Variants in FRMD4B observed in about 807,000 individuals in gnomAD.
FRMD4B encodes FERM domain containing 4B.
FRMD4B carries 74 observed loss-of-function variants against 141.5 expected under a neutral mutation model. The ratio of observed to expected loss-of-function variants is 0.52; its 90% confidence interval spans 0.43 to 0.63. The LOEUF (loss-of-function observed/expected upper bound fraction) is 0.63. FRMD4B is among the 30% of genes least tolerant of loss of function. The probability of loss-of-function intolerance (pLI) is 0.00; values close to 1 mark genes in which losing one functional copy is unlikely to be tolerated. For synonymous variants in FRMD4B, 506 were observed against 467.9 expected, an observed-to-expected ratio of 1.08 and a Z score of -1.05; for missense variants, 1,366 against 1,253.4, an observed-to-expected ratio of 1.09 and a Z score of -1.36.
intron 1 of FRMD4B, among the ~76,000 whole-genome samples, chr3:69,434,077 C>T (rs2106842752): frequency 6.6e-6 from 1 of 152,302 alleles, no homozygotes; most frequent in East Asian, 1.9e-4. Flanking sequence ...TGCCCGGCGA[C>T]AAAAGCTCCT....
At chr3:69,260,317 G>T (rs1363285549) in intron 5 of FRMD4B, among the ~76,000 whole-genome samples, 2 of 152,224 alleles carry the variant, frequency 1.3e-5, no homozygotes, top group South Asian at 2.1e-4. Context: ...GCGAGTTGGC[G>T]AGTCAGCACG....
chr3:69,511,228 A>AT (rs35942125), intron 1 of FRMD4B, among the ~76,000 whole-genome samples: 33,578 of 151,774 alleles, frequency 0.22, 3,883 homozygotes, highest in African/African-American at 0.27. Flanking sequence ...TTTGCATTTC[A>AT]TTTTTTTTCC....
chr3:69,418,993 A>C (rs1704923681), intron 2 of FRMD4B, among the ~76,000 whole-genome samples: 1 of 152,210 alleles, frequency 6.6e-6, no homozygotes, highest in Non-Finnish European at 1.5e-5. Context: ...ATGAATAAGC[A>C]CAGATAACCA....
intron 1 of FRMD4B, among the ~76,000 whole-genome samples, chr3:69,492,837 T>G (rs1283525829): frequency 6.6e-6 from 1 of 152,244 alleles, no homozygotes; most frequent in Non-Finnish European, 1.5e-5. Flanking sequence ...TAAATAGACC[T>G]CTACCACTTC....
chr3:69,406,621 C>T (rs1012988480), intron 2 of FRMD4B, among the ~76,000 whole-genome samples: 16 of 152,176 alleles, frequency 1.1e-4, no homozygotes, highest in Non-Finnish European at 2.2e-4. Context: ...CAAAGGAAGC[C>T]GGTTCAGTCA....
chr3:69,455,201 G>A (rs920393098), intron 1 of FRMD4B, among the ~76,000 whole-genome samples: 1 of 152,218 alleles, frequency 6.6e-6, no homozygotes, highest in Non-Finnish European at 1.5e-5. Context: ...CCTGTAAAAT[G>A]GGCCAATCAG....
intron 5 of FRMD4B, among the ~76,000 whole-genome samples, chr3:69,273,645 C>A (rs1411641693): frequency 6.6e-6 from 1 of 152,104 alleles, no homozygotes; most frequent in East Asian, 1.9e-4. Flanking sequence ...GTCTATTTTG[C>A]AAAATTTGAT....
intron 1 of FRMD4B, among the ~76,000 whole-genome samples, chr3:69,450,287 C>T (rs1232467258): frequency 1.3e-5 from 2 of 152,184 alleles, no homozygotes; most frequent in East Asian, 3.9e-4. Flanking sequence ...CTTTGGGAGG[C>T]CCAGGCAGGA....
chr3:69,436,204 A>G (rs907174474), intron 1 of FRMD4B, among the ~76,000 whole-genome samples: 1 of 152,322 alleles, frequency 6.6e-6, no homozygotes, highest in Non-Finnish European at 1.5e-5. Context: ...AATATATGCA[A>G]TCTCTAATGA....
chr3:69,395,111 G>A (rs993545177), intron 2 of FRMD4B, among the ~76,000 whole-genome samples: 16 of 151,968 alleles, frequency 1.1e-4, no homozygotes, highest in African/African-American at 2.9e-4. Flanking sequence ...GCAGCAAACC[G>A]CCATGGCACA....
chr3:69,266,553 T>C (rs2093563183), intron 5 of FRMD4B, among the ~76,000 whole-genome samples: 1 of 152,140 alleles, frequency 6.6e-6, no homozygotes, highest in Non-Finnish European at 1.5e-5. Flanking sequence ...CTCGAACTCC[T>C]GACCTCAGGT....
intron 7 of FRMD4B, among the ~76,000 whole-genome samples, chr3:69,231,051 A>C (rs1366550409): frequency 1.3e-5 from 2 of 152,232 alleles, no homozygotes; most frequent in East Asian, 3.8e-4. Context: ...ATCTCATCTC[A>C]TCTGGGAAGC....
chr3:69,250,264 G>C (rs2093454097), intron 5 of FRMD4B, 165 bp from the exon 6 acceptor site: 2 of 663,516 alleles, frequency 3.0e-6, no homozygotes, highest in Non-Finnish European at 5.5e-6. Flanking sequence ...GACTCATTGA[G>C]GGTTAAGGCG....
At chr3:69,524,419 T>G (rs1285413220) in intron 1 of FRMD4B, among the ~76,000 whole-genome samples, 1 of 152,260 alleles carries the variant, frequency 6.6e-6, no homozygotes, top group East Asian at 1.9e-4. Flanking sequence ...GATCTTTCAG[T>G]TAACTCCAAA....
chr3:69,540,660 T>TACAC lies in FRMD4B; in HGVS notation c.-129+1542_-129+1545dup, dbSNP rs1161119924. Among the ~76,000 whole-genome samples the TACAC allele has an allele frequency of 8.4e-4, 48 of 56,852 alleles. 1 individual carries two copies. Among genetic ancestry groups the TACAC allele is most frequent in the African/African-American group, 3.4e-3 (33 of 9,670 alleles). The allele number at this position is 56,852 out of a possible 152,430, so 37.3% of individuals were successfully genotyped here. A position where few individuals can be genotyped will look rare whatever the true frequency, so the allele number is the denominator to read the frequency against. The stretch of plus-strand genomic sequence containing the variant: ...AAATATATATATATATATATATATA[T>TACAC]ACACACACACACACACACACACACA... On this transcript the variant is annotated intron_variant, in intron 1 of 5. Coordinates refer to the FRMD4B transcript ENST00000459638.
chr3:69,253,183 A>ATTTTTTTTTT (rs5849890), intron 5 of FRMD4B, among the ~76,000 whole-genome samples: 6 of 129,888 alleles, frequency 4.6e-5, no homozygotes, highest in African/African-American at 1.8e-4. Flanking sequence ...TATGATTCCT[A>ATTTTTTTTTT]TTTTTTTTTT....
intron 8 of FRMD4B, among the ~76,000 whole-genome samples, chr3:69,222,768 T>A (rs201088249): frequency 5.3e-5 from 1 of 18,888 alleles, no homozygotes; most frequent in African/African-American, 1.4e-4. Context: ...CAAAACTCCA[T>A]CACAAAAACA....
intron 1 of FRMD4B, among the ~76,000 whole-genome samples, chr3:69,473,443 A>G (rs1390995259): frequency 1.3e-5 from 2 of 152,162 alleles, no homozygotes; most frequent in Non-Finnish European, 2.9e-5. Flanking sequence ...TGCAGCACGT[A>G]TCTGAATCTC....
intron 4 of FRMD4B, among the ~76,000 whole-genome samples, chr3:69,298,240 A>G (rs1416939541): frequency 6.6e-6 from 1 of 152,238 alleles, no homozygotes; most frequent in Non-Finnish European, 1.5e-5. Context: ...AATAAATAAA[A>G]TATTTTCTTA....
Sources: allele counts gnomAD v4.1 joint callset (sites outside exome capture counted in the v4.1 genomes callset), GRCh38; gene constraint gnomAD v4.1.1; transcripts MANE v1.5; gene names NCBI Gene and HGNC (gene_info 2026-07-23, HGNC 2026-07-21).